Variants in GPC3 observed in about 807,000 individuals in gnomAD.
The protein encoded by GPC3 is glypican 3.
Under a neutral mutation model 34.4 loss-of-function variants are expected in GPC3, and 3 were observed. The observed-to-expected ratio is 0.09, with a 90% CI of 0.04 to 0.23. The LOEUF is 0.23. GPC3 is among the 10% of genes least tolerant of loss of function. The probability of loss-of-function intolerance (pLI) is 1.00; values close to 1 mark genes in which losing one functional copy is unlikely to be tolerated. For missense variants in GPC3, 351 were observed against 445.6 expected, an observed-to-expected ratio of 0.79 and a Z score of 1.91; for synonymous variants, 177 against 174.0, an observed-to-expected ratio of 1.02 and a Z score of -0.13.
At chrX:133,573,037 A>T (rs759224596) in intron 7 of GPC3, among the ~76,000 whole-genome samples, 1 of 111,985 alleles carries the variant, frequency 8.9e-6, no homozygotes, top group East Asian at 2.8e-4. Context: ...ATCCAGCAAC[A>T]GGTTGAAAAG....
At chrX:133,973,917 G>T (rs749614596) in intron 1 of GPC3, among the ~76,000 whole-genome samples, 1 of 112,540 alleles carries the variant, frequency 8.9e-6, no homozygotes, top group African/African-American at 3.2e-5. Flanking sequence ...GACACTTTAC[G>T]AGTGGTTGCA....
At chrX:133,794,967 T>C (rs1340118744) in intron 2 of GPC3, among the ~76,000 whole-genome samples, 4 of 112,191 alleles carry the variant, frequency 3.6e-5, no homozygotes, top group African/African-American at 1.3e-4. Context: ...TATGAACCGC[T>C]AGAGGGTCAG....
At chrX:133,681,441 C>T (rs749874587) in intron 5 of GPC3, among the ~76,000 whole-genome samples, 1 of 112,017 alleles carries the variant, frequency 8.9e-6, no homozygotes, top group Non-Finnish European at 1.9e-5. Context: ...AAAAAATCAT[C>T]GGAGAAACTC....
At chrX:133,775,907 C>A (rs1311115664) in intron 2 of GPC3, among the ~76,000 whole-genome samples, 1 of 111,399 alleles carries the variant, frequency 9.0e-6, no homozygotes, top group Admixed American at 9.6e-5. Flanking sequence ...AAGGTGCATA[C>A]CCAAAACTAT....
chrX:133,683,664 G>C (rs141712466), intron 5 of GPC3, among the ~76,000 whole-genome samples: 1,558 of 112,058 alleles, frequency 0.014, 25 homozygotes, highest in African/African-American at 0.047. Flanking sequence ...GTCTCTTCCT[G>C]CTACTTAAGA....
intron 6 of GPC3, among the ~76,000 whole-genome samples, chrX:133,643,845 T>TTTTTTTTTTTTTA (rs2070511114): frequency 2.8e-5 from 3 of 108,931 alleles, no homozygotes; most frequent in African/African-American, 6.8e-5. Flanking sequence ...TTTTTTTTTT[T>TTTTTTTTTTTTTA]GAGACGGGGT....
At chrX:133,558,907 A>G (rs184644129) in intron 7 of GPC3, among the ~76,000 whole-genome samples, 957 of 92,421 alleles carry the variant, frequency 0.01, 12 homozygotes, top group African/African-American at 0.046. Flanking sequence ...AAGTAAGTAA[A>G]TAAATAAATA....
intron 2 of GPC3, among the ~76,000 whole-genome samples, chrX:133,896,515 A>G (rs1315530411): frequency 8.9e-6 from 1 of 111,994 alleles, no homozygotes; most frequent in Non-Finnish European, 1.9e-5. Flanking sequence ...GAGAAATATA[A>G]TTCATTAGTA....
intron 2 of GPC3, among the ~76,000 whole-genome samples, chrX:133,792,432 C>T (rs1248865383): frequency 1.8e-5 from 2 of 111,350 alleles, no homozygotes; most frequent in Non-Finnish European, 3.8e-5. Flanking sequence ...TGGATAAGCC[C>T]CAAGATCCTT....
intron 5 of GPC3, among the ~76,000 whole-genome samples, chrX:133,689,762 T>A (rs748806183): frequency 1.5e-4 from 17 of 111,900 alleles, no homozygotes; most frequent in Non-Finnish European, 2.8e-4. Context: ...AAAGTAAAAT[T>A]TCCTTTTTAA....
At chrX:133,556,621 G>T (rs982391173) in intron 7 of GPC3, among the ~76,000 whole-genome samples, 4 of 109,495 alleles carry the variant, frequency 3.7e-5, no homozygotes, top group Non-Finnish European at 5.7e-5. Context: ...GAGGCTGTAT[G>T]GGGGACAAGT....
At chrX:133,963,506 T>G (rs1326005841) in intron 1 of GPC3, among the ~76,000 whole-genome samples, 2 of 111,550 alleles carry the variant, frequency 1.8e-5, no homozygotes, top group African/African-American at 6.5e-5. Context: ...CTTCCCTGTT[T>G]CGCTCATGCT....
intron 2 of GPC3, among the ~76,000 whole-genome samples, chrX:133,881,857 C>G (rs1267209374): frequency 8.9e-6 from 1 of 112,501 alleles, no homozygotes; most frequent in African/African-American, 3.2e-5. Flanking sequence ...AAACTCTTCC[C>G]CAAGTTGCTA....
intron 2 of GPC3, among the ~76,000 whole-genome samples, chrX:133,775,226 GTTT>G (rs769430426): frequency 1.0e-5 from 1 of 100,332 alleles, no homozygotes; most frequent in African/African-American, 3.6e-5. Flanking sequence ...CTGCCAGCGT[GTTT>G]TTTTTTTTTT....
At chrX:133,940,406 T>C (rs2076340858) in intron 2 of GPC3, among the ~76,000 whole-genome samples, 1 of 112,029 alleles carries the variant, frequency 8.9e-6, no homozygotes. Context: ...AGCAACTTAA[T>C]GCTGCCACTT....
At chrX:133,692,321 A>G (rs2071071845) in intron 5 of GPC3, 48 bp downstream of exon 5, 1 of 1,149,888 alleles carries the variant, frequency 8.7e-7, no homozygotes. Flanking sequence ...TAAACATATG[A>G]CAATTATTCC....
At chrX:133,538,897 T>G (rs2069318822) in intron 7 of GPC3, among the ~76,000 whole-genome samples, 1 of 102,483 alleles carries the variant, frequency 9.8e-6, no homozygotes, top group Non-Finnish European at 2.0e-5. Flanking sequence ...TTTTTTTTTT[T>G]TTTTCTAGAG....
chrX:133,721,732 C>T (rs953176643), intron 3 of GPC3, among the ~76,000 whole-genome samples: 4 of 111,522 alleles, frequency 3.6e-5, no homozygotes, highest in African/African-American at 9.8e-5. Context: ...CAACAGAATC[C>T]TAGCAAGGCT....
intron 2 of GPC3, among the ~76,000 whole-genome samples, chrX:133,921,996 C>A (rs766098097): frequency 8.9e-6 from 1 of 112,571 alleles, no homozygotes; most frequent in East Asian, 2.8e-4. Context: ...AGTTCTAGAC[C>A]TGCTCCTGGC....
Sources: allele counts gnomAD v4.1 joint callset (sites outside exome capture counted in the v4.1 genomes callset), GRCh38; gene constraint gnomAD v4.1.1; transcripts MANE v1.5; gene names NCBI Gene and HGNC (gene_info 2026-07-23, HGNC 2026-07-21).